The following PTPN14 variants were observed in gnomAD, a reference collection of about 807,000 sequenced individuals.
The protein encoded by PTPN14 is tyrosine-protein phosphatase non-receptor type 14.
PTPN14 carries 53 observed loss-of-function variants against 126.8 expected under a neutral mutation model. That is an observed-to-expected ratio of 0.42 (90% confidence interval 0.34 to 0.53). The LOEUF is 0.53. Among genes scored for constraint, PTPN14 ranks in the 20% least tolerant of loss-of-function variants. The pLI is 0.08. For missense variants in PTPN14, 1,257 were observed against 1,552.9 expected (o/e 0.81, Z 3.20); for synonymous variants, 630 against 599.3 (o/e 1.05, Z -0.75).
At chr1:214,543,182 C>T (rs1222921840) in intron 1 of PTPN14, among the ~76,000 whole-genome samples, 1 of 152,136 alleles carries the variant, frequency 6.6e-6, no homozygotes. Flanking sequence ...GACAATAATG[C>T]ATAGGACGGA....
intron 12 of PTPN14, among the ~76,000 whole-genome samples, chr1:214,385,594 A>G (rs888716752): frequency 2.0e-5 from 3 of 150,532 alleles, no homozygotes; most frequent in Admixed American, 2.0e-4. Flanking sequence ...GTTCTCTTAC[A>G]CACACACACA....
At chr1:214,382,491 C>T (rs1393255957) in intron 13 of PTPN14, among the ~76,000 whole-genome samples, 1 of 152,026 alleles carries the variant, frequency 6.6e-6, no homozygotes, top group African/African-American at 2.4e-5. Flanking sequence ...CTGGCTGGTT[C>T]TTTTTTTATT....
intron 9 of PTPN14, among the ~76,000 whole-genome samples, chr1:214,394,471 A>ACG: frequency 6.6e-6 from 1 of 151,980 alleles, no homozygotes; most frequent in Non-Finnish European, 1.5e-5. Context: ...GCAGTGGCGC[A>ACG]ATCTTGGCTC....
intron 1 of PTPN14, among the ~76,000 whole-genome samples, chr1:214,494,645 C>G (rs760937531): frequency 6.6e-6 from 1 of 152,062 alleles, no homozygotes; most frequent in Non-Finnish European, 1.5e-5. Context: ...AGAGATGACA[C>G]GGAATTGGTC....
Position 214,520,065 on chromosome 1 carries a change from A to AAAAAATATATATATATATAT in PTPN14, c.-155+31117_-155+31118insATATATATATATATATTTTT. The stretch of plus-strand genomic sequence containing the variant: ...CCTGTCTCAAAAAAAAAAAAAAAAA[A>AAAAAATATATATATATATAT]ATATATATATATATATATGCAGAAT... On this transcript the variant is annotated intron_variant, in intron 1 of 18. Coordinates refer to ENST00000366956, the MANE Select transcript of PTPN14 (RefSeq NM_005401.5). Among the ~76,000 whole-genome samples the AAAAAATATATATATATATAT allele has an allele frequency of 2.3e-3, 160 of 71,014 alleles. 1 individual carries two copies. Among genetic ancestry groups the AAAAAATATATATATATATAT allele is most frequent in the East Asian group, 5.3e-3 (11 of 2,084 alleles). 46.6% of individuals were successfully genotyped at this position (71,014 alleles called of 152,430 possible).
intron 1 of PTPN14, among the ~76,000 whole-genome samples, chr1:214,490,761 C>T (rs928671346): frequency 5.0e-4 from 74 of 148,530 alleles, no homozygotes; most frequent in African/African-American, 1.7e-3. Flanking sequence ...CACTTGAACC[C>T]GGGAGGTGGA....
At chr1:214,453,756 T>C (rs575007509) in intron 2 of PTPN14, among the ~76,000 whole-genome samples, 9 of 152,264 alleles carry the variant, frequency 5.9e-5, no homozygotes, top group Admixed American at 5.2e-4. Flanking sequence ...ACAGAGGTTA[T>C]CTGGGAGTCA....
chr1:214,449,060 G>T (rs1180343590), intron 3 of PTPN14, among the ~76,000 whole-genome samples: 2 of 129,728 alleles, frequency 1.5e-5, no homozygotes, highest in African/African-American at 6.1e-5. Flanking sequence ...AAGCTGGACT[G>T]CAGTGGCGCT....
At chr1:214,376,745 T>C (rs1455229080) in intron 14 of PTPN14, among the ~76,000 whole-genome samples, 2 of 152,196 alleles carry the variant, frequency 1.3e-5, no homozygotes, top group Non-Finnish European at 2.9e-5. Context: ...TTAATCTTAA[T>C]TATCCAAACA....
chr1:214,477,777 C>T (rs968768101), intron 1 of PTPN14, among the ~76,000 whole-genome samples: 1 of 152,130 alleles, frequency 6.6e-6, no homozygotes, highest in Non-Finnish European at 1.5e-5. Context: ...AAGTGGGACT[C>T]TTAGCTCTTA....
intron 15 of PTPN14, among the ~76,000 whole-genome samples, chr1:214,374,021 T>C (rs1473446495): frequency 6.6e-6 from 1 of 152,084 alleles, no homozygotes; most frequent in Non-Finnish European, 1.5e-5. Context: ...AAATAAGAAG[T>C]TGTACCCAAA....
At chr1:214,533,982 A>G (rs1270600861) in intron 1 of PTPN14, among the ~76,000 whole-genome samples, 2 of 152,222 alleles carry the variant, frequency 1.3e-5, no homozygotes, top group Non-Finnish European at 2.9e-5. Flanking sequence ...TAAGAAAATT[A>G]TAAGTGGCTC....
intron 1 of PTPN14, chr1:214,530,337 C>CTTTTTTTTTTTTTTTTTTTT (rs1219471589): frequency 7.7e-6 from 1 of 129,082 alleles, no homozygotes; most frequent in African/African-American, 3.0e-5. Flanking sequence ...CTTTTCTTTT[C>CTTTTTTTTTTTTTTTTTTTT]TTTTTTTTTT....
intron 1 of PTPN14, among the ~76,000 whole-genome samples, chr1:214,491,478 C>T (rs927387489): frequency 2.0e-5 from 3 of 152,166 alleles, no homozygotes; most frequent in African/African-American, 7.2e-5. Flanking sequence ...AACCGTTGGA[C>T]CTCAGATCAT....
rs1658019531 is a variant in PTPN14 at position 214,364,166 on chromosome 1, A to T, written c.3435+346T>A. Among the ~76,000 whole-genome samples, 1 of 152,216 alleles carries T rather than the reference A, an allele frequency of 6.6e-6. No individual in the cohort carries two copies. Among genetic ancestry groups the T allele is most frequent in the South Asian group, 2.1e-4 (1 of 4,830 alleles). ...AGATGCATCGAAACTATATGGGGTC[A>T]AATAACTCACCATGGAAAATTACCC... is the stretch of plus-strand genomic sequence containing the variant. On this transcript the variant is annotated intron_variant, in intron 18 of 18. Transcript: ENST00000366956. This position sits in a 1 kb window ranked among gnomAD's most constrained non-coding sequence, Gnocchi z 4.1.
intron 3 of PTPN14, among the ~76,000 whole-genome samples, chr1:214,430,336 T>C (rs1299785182): frequency 1.3e-5 from 2 of 152,194 alleles, no homozygotes; most frequent in Non-Finnish European, 2.9e-5. Context: ...CAAAATCCAA[T>C]GTCTTCTTCA....
In PTPN14 at chr1:214,431,405, A is replaced by G. The variant is rs548383332; in HGVS notation, c.345-16679T>C. On this transcript the variant is annotated intron_variant, in intron 3 of 18. Coordinates refer to ENST00000366956, the MANE Select transcript of PTPN14 (RefSeq NM_005401.5). ...ACAAAGTGTGCTTTTCTGTTTATTAACCAGTATAATCTTCACAAGAGCTTC... is the reference window on the plus strand; with the variant it reads ...ACAAAGTGTGCTTTTCTGTTTATTAGCCAGTATAATCTTCACAAGAGCTTC... Among the ~76,000 whole-genome samples the G allele has an allele frequency of 2.0e-5, 3 of 152,328 alleles. 1 individual carries two copies. Among genetic ancestry groups the G allele is most frequent in the Admixed American group, 2.0e-4 (3 of 15,308 alleles).
At chr1:214,489,905 T>C (rs1027332333) in intron 1 of PTPN14, among the ~76,000 whole-genome samples, 1 of 152,214 alleles carries the variant, frequency 6.6e-6, no homozygotes, top group Non-Finnish European at 1.5e-5. Flanking sequence ...CAGTGTCTCG[T>C]CTATAAAATA....
Position 214,501,398 on chromosome 1 carries a change from C to A in PTPN14, c.-154-36441G>T, listed in dbSNP as rs142561846. On this transcript the variant is annotated intron_variant, in intron 1 of 18. Transcript: ENST00000366956. ...GGGACTACAGGTGCCCACCACCACACCCTGCTAATTTTTTGTATTTTTTAG... is the reference window on the plus strand; with the variant it reads ...GGGACTACAGGTGCCCACCACCACAACCTGCTAATTTTTTGTATTTTTTAG... Among the ~76,000 whole-genome samples the A allele has an allele frequency of 4.0e-3, 613 of 152,196 alleles. 7 individuals are homozygous for A. The highest frequency in any genetic ancestry group is 0.014 in the African/African-American group (583 of 41,522).
Sources: gnomAD v4.1 joint callset for allele counts (sites outside exome capture counted in the v4.1 genomes callset) on GRCh38, gnomAD v4.1.1 for gene constraint, Gnocchi (gnomAD v3.1) non-coding constraint, MANE v1.5 for transcripts, NCBI Gene and HGNC (gene_info 2026-07-23, HGNC 2026-07-21) for gene names.